Variants in DYNC2H1 observed in about 807,000 individuals in gnomAD.
The protein encoded by DYNC2H1 is dynein cytoplasmic 2 heavy chain 1.
DYNC2H1 carries 410 observed loss-of-function variants against 570.0 expected under a neutral mutation model. The ratio of observed to expected loss-of-function variants is 0.72; its 90% CI spans 0.66 to 0.78. The LOEUF (loss-of-function observed/expected upper bound fraction) is 0.78, where lower values mean the gene tolerates loss of function less well. Among genes scored for constraint, DYNC2H1 ranks in the 30% least tolerant of loss-of-function variants. DYNC2H1 has a pLI of 0.00. For missense variants in DYNC2H1, 4,865 were observed against 5,046.4 expected, an observed-to-expected ratio of 0.96 and a Z score of 1.09; for synonymous variants, 1,688 against 1,677.6, an observed-to-expected ratio of 1.01 and a Z score of -0.15.
At position 103,156,680 on chromosome 11, in the gene DYNC2H1, A is replaced by G; in HGVS notation, c.4037A>G (p.Gln1346Arg). 1 of 1,613,428 alleles carries G rather than the reference A, an allele frequency of 6.2e-7. No individual in the cohort carries two copies. The highest frequency in any genetic ancestry group is 8.5e-7 in the Non-Finnish European group (1 of 1,179,696). Residue 1346 changes from glutamine (Q) to arginine (R), a missense_variant, in exon 26 of 89, where the codon CAG becomes CGG. Around this residue, in one of 5 missense-constraint regions of DYNC2H1, gnomAD observed 1,936 missense variants for 1,962.1 expected, o/e 0.99. Transcript: ENST00000375735. The stretch of plus-strand genomic sequence containing the variant: ...TACCTGCAGAATTTAAATCATATTC[A>G]GAGAAAGTGGGTGTATTTGGAACCC... ...DEYLQNLNHI[Q>R]RKWVYLEPIF...
chr11:103,176,480 T>C (rs768603418), intron 37 of DYNC2H1, 46 bp downstream of exon 37: 3 of 1,341,034 alleles, frequency 2.2e-6, no homozygotes, highest in African/African-American at 1.5e-5. Context: ...CTTTTCCTAG[T>C]TGATTCCTTA....
At chr11:103,225,366 A>C (rs1863762400) in intron 59 of DYNC2H1, among the ~76,000 whole-genome samples, 1 of 152,166 alleles carries the variant, frequency 6.6e-6, no homozygotes, top group Non-Finnish European at 1.5e-5. Flanking sequence ...GTTATCTTCT[A>C]GAATGGTTAT....
rs1252056203 is a variant in DYNC2H1 at position 103,395,902 on chromosome 11, T to G, written c.12157-3761T>G. On this transcript the variant is annotated intron_variant, in intron 83 of 88. Coordinates refer to ENST00000375735, the MANE Select transcript of DYNC2H1 (RefSeq NM_001377.3). The surrounding 1 kb of genome is among the most constrained non-coding windows in gnomAD (Gnocchi z 4.3). ...GGGTTACTTGAGGGCAAAGGTAGAA[T>G]TTCCATTACATAGAAGTGAAGGTAT... is the stretch of plus-strand genomic sequence containing the variant. 3.9e-5 allele frequency among the ~76,000 whole-genome samples: 6 copies of G among 152,200 alleles called. No individual in the cohort carries two copies. Among genetic ancestry groups the G allele is most frequent in the African/African-American group, 1.4e-4 (6 of 41,452 alleles).
intron 76 of DYNC2H1, among the ~76,000 whole-genome samples, chr11:103,303,704 A>G (rs574301924): frequency 2.0e-5 from 3 of 152,136 alleles, no homozygotes; most frequent in Admixed American, 6.6e-5. Flanking sequence ...TAGAAAGAAC[A>G]TAGCCCTATA....
intron 83 of DYNC2H1, among the ~76,000 whole-genome samples, chr11:103,383,688 A>G (rs914269862): frequency 6.6e-6 from 1 of 151,820 alleles, no homozygotes; most frequent in African/African-American, 2.4e-5. Context: ...GTTAGCCAGG[A>G]TGGTCTCCAT....
chr11:103,380,559 G>T (rs1408823334), intron 83 of DYNC2H1, among the ~76,000 whole-genome samples: 3 of 136,376 alleles, frequency 2.2e-5, no homozygotes, highest in Non-Finnish European at 5.2e-5. Context: ...TACGTGATGA[G>T]GAATTTTTTT....
intron 84 of DYNC2H1, among the ~76,000 whole-genome samples, chr11:103,400,145 C>A (rs189952355): frequency 6.6e-6 from 1 of 152,174 alleles, no homozygotes; most frequent in African/African-American, 2.4e-5. Flanking sequence ...GTTGATTTCA[C>A]TTTGGGGCAG....
intron 83 of DYNC2H1, among the ~76,000 whole-genome samples, chr11:103,387,644 T>G (rs763610086): frequency 1.3e-5 from 2 of 152,198 alleles, no homozygotes; most frequent in Non-Finnish European, 2.9e-5. Context: ...GGTCAAACAT[T>G]TAAGTCTTTA....
intron 79 of DYNC2H1, among the ~76,000 whole-genome samples, chr11:103,314,293 T>C (rs1937686025): frequency 6.6e-6 from 1 of 152,132 alleles, no homozygotes; most frequent in Admixed American, 6.6e-5. Flanking sequence ...AAACAGTAGG[T>C]AGCATATTAC....
chr11:103,427,727 C>T (rs117300895), intron 84 of DYNC2H1, among the ~76,000 whole-genome samples: 3,369 of 152,174 alleles, frequency 0.022, 59 homozygotes, highest in Non-Finnish European at 0.036. Context: ...ACTAATCCCA[C>T]CACGAGGGGC....
chr11:103,432,211 C>T (rs1021016217), intron 84 of DYNC2H1, among the ~76,000 whole-genome samples: 6 of 152,174 alleles, frequency 3.9e-5, no homozygotes, highest in African/African-American at 9.6e-5. Context: ...ATCGTTGTTA[C>T]GTAGAATAAG....
In DYNC2H1 at chr11:103,244,502, T is replaced by G. The variant is rs1057085707; in HGVS notation, c.9918+711T>G. On this transcript the variant is annotated intron_variant, in intron 64 of 88. Coordinates refer to ENST00000375735, the MANE Select transcript of DYNC2H1 (RefSeq NM_001377.3). The surrounding 1 kb of genome is among the most constrained non-coding windows in gnomAD (Gnocchi z 4.3). The stretch of plus-strand genomic sequence containing the variant: ...ATAAGAATAATTATAAATTAAATAA[T>G]ATATAAAATACTTTAATAATCATTT... 6.7e-6 allele frequency among the ~76,000 whole-genome samples: 1 copy of G among 149,844 alleles called. No homozygotes were observed. Among genetic ancestry groups the G allele is most frequent in the African/African-American group, 2.4e-5 (1 of 41,188 alleles).
intron 88 of DYNC2H1, among the ~76,000 whole-genome samples, chr11:103,469,569 AT>A (rs1488910615): frequency 6.6e-6 from 1 of 152,174 alleles, no homozygotes; most frequent in Admixed American, 6.5e-5. Flanking sequence ...CAGAGTATTT[AT>A]TTAAGGAAAA....
At chr11:103,224,239 G>T (rs896073514) in intron 59 of DYNC2H1, among the ~76,000 whole-genome samples, 1 of 119,006 alleles carries the variant, frequency 8.4e-6, no homozygotes, top group Non-Finnish European at 1.7e-5. Flanking sequence ...CAGACCCAAA[G>T]GTTTATGTTC....
Position 103,279,918 on chromosome 11 carries a change from A to C in DYNC2H1, c.10696-430A>C, listed in dbSNP as rs375605385. On this transcript the variant is annotated intron_variant, in intron 70 of 88. Transcript: ENST00000375735. ...CCTGTTTGATTTAGGAAATTAATCT[A>C]TCTAGTAAGGAGAAAATAGTTGTCA... 5.3e-5 allele frequency among the ~76,000 whole-genome samples: 8 copies of C among 152,290 alleles called. No homozygotes were observed. The East Asian group carries it at 1.3e-3, about 26-fold the overall frequency.
chr11:103,431,796 G>A (rs1943902235), intron 84 of DYNC2H1, among the ~76,000 whole-genome samples: 1 of 152,086 alleles, frequency 6.6e-6, no homozygotes, highest in Non-Finnish European at 1.5e-5. Context: ...TAGTCAGCTG[G>A]GGAGAGGTCA....
intron 47 of DYNC2H1, among the ~76,000 whole-genome samples, chr11:103,197,627 T>G (rs1266746475): frequency 6.6e-6 from 1 of 152,118 alleles, no homozygotes; most frequent in East Asian, 1.9e-4. Flanking sequence ...TTTAAATTTT[T>G]TATAGAGATG....
At chr11:103,250,313 A>C (rs888804675) in intron 65 of DYNC2H1, among the ~76,000 whole-genome samples, 2 of 151,854 alleles carry the variant, frequency 1.3e-5, no homozygotes, top group African/African-American at 2.4e-5. Flanking sequence ...GGATTTATCA[A>C]TATTACTAAT....
At chr11:103,419,014 C>A (rs903114609) in intron 84 of DYNC2H1, among the ~76,000 whole-genome samples, 9 of 152,138 alleles carry the variant, frequency 5.9e-5, no homozygotes, top group African/African-American at 2.2e-4. Flanking sequence ...AAGAAGGGGG[C>A]TGAATTCAGG....
Sources: gnomAD v4.1 joint callset for allele counts (sites outside exome capture counted in the v4.1 genomes callset) on GRCh38, gnomAD v4.1.1 for gene constraint, gnomAD v4.1.1 regional missense constraint, Gnocchi (gnomAD v3.1) non-coding constraint, MANE v1.5 for transcripts, NCBI Gene and HGNC (gene_info 2026-07-23, HGNC 2026-07-21) for gene names.